RCBTB2: variants seen among roughly 807,000 people sequenced by gnomAD.
The protein encoded by RCBTB2 is RCC1 and BTB domain-containing protein 2.
RCBTB2 carries 55 observed loss-of-function variants against 65.4 expected under a neutral mutation model. That is an observed-to-expected ratio of 0.84 (90% CI 0.68 to 1.05). The LOEUF (loss-of-function observed/expected upper bound fraction) is 1.05. Among genes scored for constraint, RCBTB2 ranks in the 50% least tolerant of loss-of-function variants. RCBTB2 has a pLI of 0.00. For missense variants in RCBTB2, 599 were observed against 680.1 expected, an observed-to-expected ratio of 0.88 and a Z score of 1.33; for synonymous variants, 220 against 255.2, an observed-to-expected ratio of 0.86 and a Z score of 1.31.
intron 10 of RCBTB2, among the ~76,000 whole-genome samples, chr13:48,509,800 T>C (rs1016321590): frequency 4.6e-5 from 7 of 152,224 alleles, no homozygotes; most frequent in African/African-American, 1.7e-4. Flanking sequence ...AGCAGAAAAT[T>C]AGAAAAGAAC....
chr13:48,514,780 T>A (rs775599908), intron 6 of RCBTB2, among the ~76,000 whole-genome samples: 4 of 152,232 alleles, frequency 2.6e-5, no homozygotes, highest in Admixed American at 1.3e-4. Flanking sequence ...GCAAGGAATT[T>A]TTCTAGTCAA....
intron 14 of RCBTB2, among the ~76,000 whole-genome samples, chr13:48,493,488 T>C (rs1046654348): frequency 6.6e-6 from 1 of 151,988 alleles, no homozygotes; most frequent in African/African-American, 2.4e-5. Flanking sequence ...CTTGGAACTC[T>C]GATTCCTGAA....
chr13:48,526,919 AAAT>A (rs1951769482), intron 1 of RCBTB2, among the ~76,000 whole-genome samples: 2 of 152,170 alleles, frequency 1.3e-5, no homozygotes, highest in Admixed American at 6.5e-5. Flanking sequence ...CCATCTCAAA[AAAT>A]AATAATAATA....
intron 6 of RCBTB2, among the ~76,000 whole-genome samples, chr13:48,514,658 T>C (rs535122023): frequency 2.0e-5 from 3 of 152,366 alleles, no homozygotes; most frequent in East Asian, 3.9e-4. Flanking sequence ...AGGGTTGAGA[T>C]TTCTTGGACC....
At chr13:48,509,398 C>A (rs950989974) in intron 10 of RCBTB2, among the ~76,000 whole-genome samples, 3 of 152,120 alleles carry the variant, frequency 2.0e-5, no homozygotes, top group Admixed American at 2.0e-4. Flanking sequence ...TTATTTGATC[C>A]TTTAACTCTG....
chr13:48,507,075 G>C (rs1950541910), intron 10 of RCBTB2, among the ~76,000 whole-genome samples: 1 of 152,246 alleles, frequency 6.6e-6, no homozygotes, highest in Non-Finnish European at 1.5e-5. Flanking sequence ...GAGAAGGGCT[G>C]GGACAGACAG....
chr13:48,502,849 A>G lies in RCBTB2; in HGVS notation c.992T>C (p.Val331Ala). Residue 331 changes from valine to alanine, a missense_variant, in exon 11 of 15, where the codon GTG (valine) becomes GCG (alanine). Coordinates refer to ENST00000344532, the MANE Select transcript of RCBTB2 (RefSeq NM_001268.4). Reference protein sequence around the residue: ...TSAAKTQGGHVYMWGQCRGQS... With the variant: ...TSAAKTQGGHAYMWGQCRGQS... Reference sequence around the variant, plus strand: ...ACCCCGGCACTGGCCCCACATGTACACGTGCCCACCCTGCGTCTTGGCCGC... The same window carrying G: ...ACCCCGGCACTGGCCCCACATGTACGCGTGCCCACCCTGCGTCTTGGCCGC... The G allele has an allele frequency of 6.2e-7, 1 of 1,614,160 alleles. No homozygotes were observed. Among genetic ancestry groups the G allele is most frequent in the Non-Finnish European group, 8.5e-7 (1 of 1,180,016 alleles).
At chr13:48,525,908 T>C (rs571217925) in intron 1 of RCBTB2, among the ~76,000 whole-genome samples, 1 of 152,322 alleles carries the variant, frequency 6.6e-6, no homozygotes, top group Non-Finnish European at 1.5e-5. Flanking sequence ...TAATGTGTTA[T>C]GGATACCAAC....
chr13:48,503,747 C>T (rs539499160), intron 10 of RCBTB2, among the ~76,000 whole-genome samples: 5 of 152,244 alleles, frequency 3.3e-5, no homozygotes, highest in South Asian at 2.1e-4. Flanking sequence ...CAAGGTTTTG[C>T]CATGTTGCCC....
At chr13:48,499,107 C>T (rs1279692823) in intron 13 of RCBTB2, among the ~76,000 whole-genome samples, 3 of 148,086 alleles carry the variant, frequency 2.0e-5, no homozygotes, top group Non-Finnish European at 3.0e-5. Context: ...CCGACCCCCA[C>T]CCCAACACAC....
intron 4 of RCBTB2, among the ~76,000 whole-genome samples, chr13:48,520,719 T>C (rs888471695): frequency 4.6e-5 from 7 of 152,236 alleles, no homozygotes; most frequent in Admixed American, 2.6e-4. Flanking sequence ...TCCAGCAATA[T>C]GAAGAATCGA....
chr13:48,511,118 G>C (rs1259573563), intron 9 of RCBTB2, among the ~76,000 whole-genome samples: 1 of 151,962 alleles, frequency 6.6e-6, no homozygotes, highest in African/African-American at 2.4e-5. Context: ...GAAAAATATA[G>C]AAAAATATAA....
intron 1 of RCBTB2, among the ~76,000 whole-genome samples, chr13:48,531,625 G>A (rs887847663): frequency 6.6e-6 from 1 of 152,210 alleles, no homozygotes; most frequent in Non-Finnish European, 1.5e-5. Flanking sequence ...AGAGCAATAA[G>A]GCCTGAGTGG....
At chr13:48,491,748 G>C (rs899570978) in intron 14 of RCBTB2, 1 of 152,038 alleles carries the variant, frequency 6.6e-6, no homozygotes, top group Non-Finnish European at 1.5e-5. Flanking sequence ...CTAATTAATG[G>C]GAGAATGAAA....
At chr13:48,501,199 G>C (rs1377118126) in intron 12 of RCBTB2, among the ~76,000 whole-genome samples, 1 of 152,194 alleles carries the variant, frequency 6.6e-6, no homozygotes, top group Non-Finnish European at 1.5e-5. Context: ...GCGTAGACAT[G>C]TGTCAGCACT....
chr13:48,503,216 T>C (rs1466101502), intron 10 of RCBTB2, among the ~76,000 whole-genome samples: 1 of 152,166 alleles, frequency 6.6e-6, no homozygotes, highest in Non-Finnish European at 1.5e-5. Context: ...TGTTTTGAAA[T>C]TCAAGTATAA....
upstream of RCBTB2, among the ~76,000 whole-genome samples, chr13:48,534,774 T>C (rs1032691514): frequency 2.8e-4 from 43 of 152,262 alleles, no homozygotes; most frequent in Non-Finnish European, 2.8e-4. Context: ...TCAACACTTT[T>C]GGATAATTTG....
chr13:48,521,762 T>A, intron 4 of RCBTB2, 136 bp downstream of exon 4: 1 of 774,026 alleles, frequency 1.3e-6, no homozygotes, highest in East Asian at 2.6e-5. Flanking sequence ...TGTTGGCATC[T>A]CAGTGATTAC....
rs191273377 is a variant in RCBTB2, at chr13:48,508,917, A to G, written c.926+1712T>C. Among the ~76,000 whole-genome samples the G allele has an allele frequency of 9.8e-4, 149 of 152,292 alleles. No individual in the cohort carries two copies. In the Middle Eastern group the frequency reaches 0.014, roughly 14 times the overall value. ...CCTGAATCAGAAGCCTTGGGTGATC[A>G]TTCTGGATCAGGGACCAGCAGTGCA... is the stretch of plus-strand genomic sequence containing the variant. On this transcript the variant is annotated intron_variant, in intron 10 of 14. Coordinates refer to ENST00000344532, the MANE Select transcript of RCBTB2 (RefSeq NM_001268.4).
Sources: allele counts gnomAD v4.1 joint callset (sites outside exome capture counted in the v4.1 genomes callset), GRCh38; gene constraint gnomAD v4.1.1; transcripts MANE v1.5; gene names NCBI Gene and HGNC (gene_info 2026-07-23, HGNC 2026-07-21).